The following RBPJ variants were observed in gnomAD, a reference collection of about 807,000 sequenced individuals.
RBPJ encodes recombining binding protein suppressor of hairless.
In RBPJ, 9 loss-of-function variants were observed where a neutral mutation model predicts 67.8. That is an observed-to-expected ratio of 0.13 (90% CI 0.08 to 0.23). The LOEUF is 0.23. RBPJ is among the 10% of genes least tolerant of loss of function. The probability of loss-of-function intolerance (pLI) is 1.00; values close to 1 mark genes in which losing one functional copy is unlikely to be tolerated. For synonymous variants in RBPJ, 198 were observed against 203.3 expected, an observed-to-expected ratio of 0.97 and a Z score of 0.22; for missense variants, 305 against 595.6, an observed-to-expected ratio of 0.51 and a Z score of 5.08.
At chr4:26,307,041 A>C (rs1159819747) in intron 1 of RBPJ, among the ~76,000 whole-genome samples, 1 of 152,186 alleles carries the variant, frequency 6.6e-6, no homozygotes, top group East Asian at 1.9e-4. Flanking sequence ...TAATAATAAA[A>C]ATAATTTAAA....
chr4:26,151,644 T>TTGTC, the RBPJ span, among the ~76,000 whole-genome samples: 1 of 152,190 alleles, frequency 6.6e-6, no homozygotes, highest in Non-Finnish European at 1.5e-5. Flanking sequence ...GCAAAGGAGT[T>TTGTC]TGTCTGAGGT....
chr4:26,183,863 T>G (rs1717115186), intron 1 of RBPJ, among the ~76,000 whole-genome samples: 1 of 151,894 alleles, frequency 6.6e-6, no homozygotes, highest in South Asian at 2.1e-4. Context: ...ATACAAAAAA[T>G]TAGCCAAGCA....
At chr4:26,118,160 C>T in the RBPJ span, among the ~76,000 whole-genome samples, 1 of 152,036 alleles carries the variant, frequency 6.6e-6, no homozygotes, top group Non-Finnish European at 1.5e-5. Flanking sequence ...ACTGACTGCC[C>T]ACAAGGTTTC....
At chr4:26,238,482 G>C (rs1189305997) in intron 1 of RBPJ, among the ~76,000 whole-genome samples, 1 of 152,194 alleles carries the variant, frequency 6.6e-6, no homozygotes, top group Admixed American at 6.5e-5. Context: ...TATGGAAAGT[G>C]TAGTAAACAT....
At chr4:26,369,948 C>T (rs920649865) in intron 1 of RBPJ, among the ~76,000 whole-genome samples, 1 of 152,124 alleles carries the variant, frequency 6.6e-6, no homozygotes, top group African/African-American at 2.4e-5. Context: ...TACATTCTGC[C>T]TGTAAAAGAA....
chr4:26,373,915 C>CTTTTTTTTTTTTTTTTTTTT (rs765161799), intron 1 of RBPJ, among the ~76,000 whole-genome samples: 1 of 113,344 alleles, frequency 8.8e-6, no homozygotes, highest in Non-Finnish European at 1.7e-5. Flanking sequence ...TTATTTTTTA[C>CTTTTTTTTTTTTTTTTTTTT]TTTTTTTTTT....
intron 1 of RBPJ, among the ~76,000 whole-genome samples, chr4:26,168,583 G>A (rs202032727): frequency 1.3e-3 from 170 of 131,070 alleles, no homozygotes; most frequent in Admixed American, 3.1e-3. Flanking sequence ...ATATCTTTGT[G>A]GTGTTCTCTG....
chr4:26,199,281 T>A (rs976285131), intron 1 of RBPJ, among the ~76,000 whole-genome samples: 2 of 151,998 alleles, frequency 1.3e-5, no homozygotes, highest in African/African-American at 4.8e-5. Flanking sequence ...CCATCTCTAC[T>A]AAAATACAAA....
At chr4:26,324,230 TA>T (rs757758710) in intron 1 of RBPJ, among the ~76,000 whole-genome samples, 32 of 152,138 alleles carry the variant, frequency 2.1e-4, no homozygotes, top group Non-Finnish European at 3.4e-4. Context: ...GGAAGTCAAA[TA>T]GGAGGTTTTT....
At chr4:26,305,239 C>T (rs1461133774) in intron 1 of RBPJ, among the ~76,000 whole-genome samples, 5 of 152,174 alleles carry the variant, frequency 3.3e-5, no homozygotes, top group African/African-American at 1.2e-4. Flanking sequence ...ATTACTGTAG[C>T]TCTGTAGAAA....
chr4:26,349,072 T>TTGTG (rs752007042), intron 1 of RBPJ, among the ~76,000 whole-genome samples: 147 of 136,858 alleles, frequency 1.1e-3, no homozygotes, highest in African/African-American at 3.4e-3. Flanking sequence ...CATCACAAGT[T>TTGTG]TGTGTGTGTG....
At chr4:26,282,541 A>G (rs1721309946) in intron 1 of RBPJ, among the ~76,000 whole-genome samples, 1 of 149,904 alleles carries the variant, frequency 6.7e-6, no homozygotes, top group African/African-American at 2.5e-5. Flanking sequence ...TTTTTTTGAG[A>G]TGGAGTTTCA....
chr4:26,130,475 G>T, the RBPJ span, among the ~76,000 whole-genome samples: 3 of 152,144 alleles, frequency 2.0e-5, no homozygotes, highest in Non-Finnish European at 4.4e-5. Flanking sequence ...GCCGGCTGCA[G>T]CCGCTCCTCA....
Position 26,372,788 on chromosome 4 carries a change from A to G in RBPJ, c.21-13565A>G, listed in dbSNP as rs965517167. ...TTTGTAGAAGCATTAATGAGCTTGT[A>G]GTATTACCCAAGGCAAAGCAGCTTG... On this transcript the variant is annotated intron_variant, in intron 1 of 10. Transcript: ENST00000355476. Among the ~76,000 whole-genome samples, 18 of 152,312 alleles carry G rather than the reference A, an allele frequency of 1.2e-4. 2 individuals are homozygous for G. Among genetic ancestry groups the G allele is most frequent in the African/African-American group, 4.3e-4 (18 of 41,566 alleles).
In RBPJ at chr4:26,354,071, C is replaced by T. The variant is rs1727091724; in HGVS notation, c.21-32282C>T. ...TCAGCCTCCCGAGTAGCTGGGACTACAGGCGCGTGCCACCATGCCCGGCTA... is the reference window on the plus strand; with the variant it reads ...TCAGCCTCCCGAGTAGCTGGGACTATAGGCGCGTGCCACCATGCCCGGCTA... On this transcript the variant is annotated intron_variant, in intron 1 of 10. Transcript: ENST00000355476. Among the ~76,000 whole-genome samples the T allele has an allele frequency of 2.0e-5, 3 of 152,076 alleles. No homozygotes were observed. In the South Asian group the frequency reaches 6.2e-4, roughly 32 times the overall value.
the RBPJ span, among the ~76,000 whole-genome samples, chr4:26,123,011 C>T: frequency 3.9e-5 from 6 of 152,182 alleles, no homozygotes; most frequent in Non-Finnish European, 5.9e-5. Context: ...ACTCCCCTCT[C>T]AGGAACAGAT....
chr4:26,119,636 G>C, the RBPJ span, among the ~76,000 whole-genome samples: 10 of 151,946 alleles, frequency 6.6e-5, no homozygotes, highest in African/African-American at 1.9e-4. Flanking sequence ...TTTTATTTTG[G>C]TTCACCCATG....
intron 1 of RBPJ, among the ~76,000 whole-genome samples, chr4:26,246,976 T>C (rs2109230396): frequency 6.7e-6 from 1 of 149,306 alleles, no homozygotes; most frequent in Non-Finnish European, 1.5e-5. Context: ...TAATACGCTT[T>C]TTTTTTTTTT....
intron 1 of RBPJ, among the ~76,000 whole-genome samples, chr4:26,224,757 G>A (rs745322860): frequency 2.6e-5 from 4 of 152,348 alleles, no homozygotes; most frequent in Non-Finnish European, 5.9e-5. Flanking sequence ...TTTGCTAAAT[G>A]TATGCCAGTC....
Sources: gnomAD v4.1 joint callset for allele counts (sites outside exome capture counted in the v4.1 genomes callset) on GRCh38, gnomAD v4.1.1 for gene constraint, MANE v1.5 for transcripts, NCBI Gene and HGNC (gene_info 2026-07-23, HGNC 2026-07-21) for gene names.